SCHIP1: variants seen among roughly 807,000 people sequenced by gnomAD.
The protein encoded by SCHIP1 is schwannomin-interacting protein 1.
In SCHIP1, 8 loss-of-function variants were observed where a neutral mutation model predicts 29.7. The ratio of observed to expected loss-of-function variants is 0.27; its 90% confidence interval spans 0.16 to 0.49. The LOEUF (loss-of-function observed/expected upper bound fraction) is 0.49. Ranked by LOEUF, SCHIP1 falls within the 20% of genes least tolerant of loss-of-function variation. The pLI is 0.99. For missense variants in SCHIP1, 193 were observed against 294.6 expected (o/e 0.66, Z 2.52); for synonymous variants, 76 against 94.9 (o/e 0.80, Z 1.16).
At chr3:159,827,756 G>T in the SCHIP1 span, among the ~76,000 whole-genome samples, 1 of 150,680 alleles carries the variant, frequency 6.6e-6, no homozygotes, top group South Asian at 2.1e-4. Flanking sequence ...AGTGAGCCGA[G>T]ATTGCGCCAC....
At chr3:159,397,110 C>T in the SCHIP1 span, among the ~76,000 whole-genome samples, 8 of 151,632 alleles carry the variant, frequency 5.3e-5, no homozygotes, top group African/African-American at 1.7e-4. Context: ...CAGTTGATCG[C>T]ATTGGCTCCT....
the SCHIP1 span, among the ~76,000 whole-genome samples, chr3:159,828,050 A>G: frequency 1.3e-5 from 2 of 151,784 alleles, no homozygotes; most frequent in Non-Finnish European, 2.9e-5. Flanking sequence ...CCAATGCTAT[A>G]TATAATATAT....
the SCHIP1 span, among the ~76,000 whole-genome samples, chr3:159,278,325 G>T: frequency 1.3e-5 from 2 of 152,030 alleles, no homozygotes; most frequent in South Asian, 2.1e-4. Context: ...CTCAGGAGTT[G>T]GGAAAAACCC....
chr3:159,711,922 A>G, the SCHIP1 span, among the ~76,000 whole-genome samples: 4 of 151,322 alleles, frequency 2.6e-5, no homozygotes, highest in Admixed American at 6.7e-5. Context: ...TCTGGGAACG[A>G]CCTAGGGATT....
At chr3:159,391,642 A>G in the SCHIP1 span, among the ~76,000 whole-genome samples, 4 of 152,200 alleles carry the variant, frequency 2.6e-5, no homozygotes, top group Non-Finnish European at 5.9e-5. Context: ...TTATTGAATC[A>G]ATGAGCACAT....
the SCHIP1 span, among the ~76,000 whole-genome samples, chr3:159,293,186 T>C: frequency 6.6e-6 from 1 of 152,238 alleles, no homozygotes; most frequent in African/African-American, 2.4e-5. Context: ...GGTAAATGGA[T>C]GCAATAGAGA....
At chr3:159,750,263 G>GTATATATATATATA in the SCHIP1 span, among the ~76,000 whole-genome samples, 9 of 25,054 alleles carry the variant, frequency 3.6e-4, no homozygotes, top group Admixed American at 2.2e-3. Flanking sequence ...ATGTGTGTGT[G>GTATATATATATATA]TATATATATA....
chr3:159,814,641 C>G, the SCHIP1 span, among the ~76,000 whole-genome samples: 1 of 152,200 alleles, frequency 6.6e-6, no homozygotes. Context: ...AGTAGGGATA[C>G]TGCCGAGCCC....
the SCHIP1 span, among the ~76,000 whole-genome samples, chr3:159,649,075 G>A: frequency 6.6e-6 from 1 of 152,164 alleles, no homozygotes; most frequent in Admixed American, 6.5e-5. Context: ...AGGGAGAGAA[G>A]CTAGAGATTA....
the SCHIP1 span, among the ~76,000 whole-genome samples, chr3:159,550,214 A>C: frequency 2.0e-5 from 3 of 152,072 alleles, no homozygotes; most frequent in African/African-American, 7.2e-5. Context: ...TTGACTTGTT[A>C]GCCTTCTTTT....
chr3:159,491,216 G>A, the SCHIP1 span, among the ~76,000 whole-genome samples: 1 of 152,176 alleles, frequency 6.6e-6, no homozygotes, highest in Non-Finnish European at 1.5e-5. Context: ...TTCCAACTGA[G>A]GTACCAGGTT....
the SCHIP1 span, among the ~76,000 whole-genome samples, chr3:159,529,817 A>C: frequency 6.6e-6 from 1 of 152,094 alleles, no homozygotes; most frequent in African/African-American, 2.4e-5. Context: ...CCATGAGATC[A>C]ACTGTTTTAG....
chr3:159,850,152 A>G (rs957458977), intron 1 of SCHIP1, among the ~76,000 whole-genome samples: 4 of 152,232 alleles, frequency 2.6e-5, no homozygotes, highest in African/African-American at 7.2e-5. Context: ...CAGAAGAGAT[A>G]TGCGACAATA....
At chr3:159,752,276 A>T in the SCHIP1 span, among the ~76,000 whole-genome samples, 56 of 152,318 alleles carry the variant, frequency 3.7e-4, no homozygotes, top group African/African-American at 1.3e-3. Context: ...AAATAGATAC[A>T]AAGGTAAGAA....
the SCHIP1 span, among the ~76,000 whole-genome samples, chr3:159,289,696 C>T: frequency 6.6e-6 from 1 of 152,220 alleles, no homozygotes; most frequent in Non-Finnish European, 1.5e-5. Flanking sequence ...AGGACCATAC[C>T]TAGTTTCTGT....
the SCHIP1 span, among the ~76,000 whole-genome samples, chr3:159,425,259 G>C: frequency 2.6e-5 from 4 of 152,094 alleles, no homozygotes; most frequent in South Asian, 2.1e-4. Flanking sequence ...ATTGGATAAA[G>C]AGTCAAGACC....
the SCHIP1 span, among the ~76,000 whole-genome samples, chr3:159,336,344 T>C: frequency 6.6e-6 from 1 of 152,196 alleles, no homozygotes; most frequent in Non-Finnish European, 1.5e-5. Context: ...AGCTCTTTAT[T>C]TTAATTAGAT....
the SCHIP1 span, among the ~76,000 whole-genome samples, chr3:159,590,204 G>A: frequency 7.4e-4 from 113 of 152,162 alleles, no homozygotes; most frequent in Middle Eastern, 3.4e-3. Context: ...CAGCTCTGAC[G>A]TGTCTCAGAA....
At chr3:159,405,651 G>C in the SCHIP1 span, among the ~76,000 whole-genome samples, 28,055 of 151,980 alleles carry the variant, frequency 0.18, 2,733 homozygotes, top group Middle Eastern at 0.28. Context: ...GGCCGAGGCA[G>C]GCAGACCACG....
Sources: allele counts gnomAD v4.1 joint callset (sites outside exome capture counted in the v4.1 genomes callset), GRCh38; gene constraint gnomAD v4.1.1; transcripts MANE v1.5; gene names NCBI Gene and HGNC (gene_info 2026-07-23, HGNC 2026-07-21).